FLG: variants seen among roughly 807,000 people sequenced by gnomAD.
FLG encodes epidermal filaggrin.
A neutral mutation model predicts 3.8 loss-of-function variants in FLG; 6 were observed. The ratio of observed to expected loss-of-function variants is 1.60; its 90% confidence interval spans 0.87 to 3.15. FLG has a LOEUF of 3.15. Ranked by LOEUF, FLG falls within the 30% of genes most tolerant of loss-of-function variation. The probability of loss-of-function intolerance (pLI) is 0.00; values close to 1 mark genes in which losing one functional copy is unlikely to be tolerated. For synonymous variants in FLG, 2,551 were observed against 1,931.6 expected, an observed-to-expected ratio of 1.32 and a Z score of -8.41; for missense variants, 7,595 against 5,050.9, an observed-to-expected ratio of 1.50 and a Z score of -15.27.
Position 152,309,780 on chromosome 1 carries a change from A to C in FLG, c.5106T>G (p.Asp1702Glu). The change falls in exon 3 of 3, where the codon GAT becomes GAG. Residue 1702 changes from aspartate (D) to glutamate (E), a missense_variant. By Grantham distance (45) the Asp-to-Glu change is conservative. Transcript: ENST00000368799. The part of the protein sequence containing the change: ...STDSGTGRRQ[D>E]SSVVGDSGNR... The stretch of plus-strand genomic sequence containing the variant: ...TTCCACTGTCTCCGACTACAGATGA[A>C]TCTTGTCTGCGCCCAGTGCCTGAGT... 1 of 1,612,710 alleles carries C rather than the reference A, an allele frequency of 6.2e-7. No individual in the cohort carries two copies. Among genetic ancestry groups the C allele is most frequent in the Admixed American group, 1.7e-5 (1 of 59,880 alleles).
Position 152,303,461 on chromosome 1 carries a change from C to T in FLG, c.11425G>A (p.Ala3809Thr). The change falls in exon 3 of 3, where the codon GCA (alanine) becomes ACA (threonine). Residue 3809 changes from alanine (A) to threonine (T), a missense_variant. By Grantham distance (58) the Ala-to-Thr change is moderately conservative (BLOSUM62 0). Coordinates refer to ENST00000368799, the MANE Select transcript of FLG (RefSeq NM_002016.2). Reference sequence around the variant, plus strand: ...TCCTCATTACGTGTTTCTCTGCTTGCACTTCTGGATCCTGACTGCCCATGG... The same window carrying T: ...TCCTCATTACGTGTTTCTCTGCTTGTACTTCTGGATCCTGACTGCCCATGG... ...ASHGQSGSRS[A>T]SRETRNEEQS... The T allele has an allele frequency of 6.8e-6, 11 of 1,614,116 alleles. No homozygotes were observed. Among genetic ancestry groups the T allele is most frequent in the Non-Finnish European group, 9.3e-6 (11 of 1,180,034 alleles).
In FLG at chr1:152,309,920, G is replaced by C. The variant is rs775926509; in HGVS notation, c.4966C>G (p.Arg1656Gly). The change falls in exon 3 of 3, where the codon CGT (arginine) becomes GGT (glycine). Residue 1656 changes from arginine to glycine, a missense_variant. Physicochemically the swap from Arg to Gly is moderately radical, Grantham distance 125. Coordinates refer to ENST00000368799, the MANE Select transcript of FLG (RefSeq NM_002016.2). ...CCACCAGAGGAAGTCTCTGCATGAC[G>C]AGTGCCTGATTGTCTGGAGCTCTCT... ...SAESSRQSGT[R>G]HAETSSGGQA... 3.1e-6 allele frequency: 5 copies of C among 1,614,128 alleles called. No homozygotes were observed. The highest frequency in any genetic ancestry group is 1.1e-5 in the South Asian group (1 of 91,070).
chr1:152,310,239 T>G lies in FLG; in HGVS notation c.4647A>C (p.Gln1549His). Residue 1549 changes from glutamine (Q) to histidine (H), a missense_variant, in exon 3 of 3, where the codon CAA becomes CAC. Coordinates refer to ENST00000368799, the MANE Select transcript of FLG (RefSeq NM_002016.2). ...SASRQTRNEE[Q>H]SGDGSRHSGS... ...CTGAGTGCCTGGAGCCGTCTCCTGA[T>G]TGTTCCTCATTTCTTGTTTGCCTGC... 1 of 1,613,640 alleles carries G rather than the reference T, an allele frequency of 6.2e-7. No individual in the cohort carries two copies. Among genetic ancestry groups the G allele is most frequent in the African/African-American group, 1.3e-5 (1 of 74,846 alleles).
rs1346174887 is a variant in FLG, at chr1:152,310,875, G to A, written c.4011C>T (p.Ser1337=). ...RQSGTHHTES[S]SHGQAVSSHE... ...GGGATGACACAGCCTGTCCATGAGAGGAAGACTCTGTGTGATGAGTGCCTG... is the reference window on the plus strand; with the variant it reads ...GGGATGACACAGCCTGTCCATGAGAAGAAGACTCTGTGTGATGAGTGCCTG... Residue 1337 remains serine (S), a synonymous_variant, in exon 3 of 3, where the codon TCC becomes TCT. Coordinates refer to ENST00000368799, the MANE Select transcript of FLG (RefSeq NM_002016.2). 5 of 1,613,872 alleles carry A rather than the reference G, an allele frequency of 3.1e-6. No homozygotes were observed. The highest frequency in any genetic ancestry group is 4.2e-6 in the Non-Finnish European group (5 of 1,179,988).
chr1:152,315,848 T>G (rs548051785), intron 1 of FLG, among the ~76,000 whole-genome samples: 1 of 152,266 alleles, frequency 6.6e-6, no homozygotes, highest in East Asian at 1.9e-4. Flanking sequence ...TTACTGAAAA[T>G]TACTTCCCCA....
At chr1:152,322,524 C>T (rs1327019818) in intron 1 of FLG, among the ~76,000 whole-genome samples, 3 of 150,302 alleles carry the variant, frequency 2.0e-5, no homozygotes, top group African/African-American at 7.3e-5. Context: ...ATAAAAAAAT[C>T]AGAAAAATTT....
At position 152,311,055 on chromosome 1, in the gene FLG, C is replaced by T. The variant is rs764059131; in HGVS notation, c.3831G>A (p.Glu1277=). The part of the protein sequence containing the change: ...GSSVSQDSDS[E]RHSDDSERLS... ...ACCTCTCGGAGTCGTCTGAGTGTCT[C>T]TCACTGTCACTGTCCTGGCTAACAC... Residue 1277 remains glutamate (E), a synonymous_variant, in exon 3 of 3, where the codon GAG becomes GAA. Transcript: ENST00000368799. 6 of 1,613,860 alleles carry T rather than the reference C, an allele frequency of 3.7e-6. No homozygotes were observed. The African/African-American group carries it at 6.7e-5, about 18-fold the overall frequency.
rs1470053634 is a variant in FLG, at chr1:152,306,280, C to G, written c.8606G>C (p.Arg2869Thr). 6.2e-7 allele frequency: 1 copy of G among 1,605,040 alleles called. No homozygotes were observed. Among genetic ancestry groups the G allele is most frequent in the East Asian group, 2.2e-5 (1 of 44,890 alleles). ...HEASTHADIS[R>T]HSQAVQGQSE... ...TTGTCCCTGGACTGCCTGTGAGTGT[C>G]TAGAGATGTCGGCATGAGTGGAAGC... The change falls in exon 3 of 3, where the codon AGA (arginine) becomes ACA (threonine). Residue 2869 changes from arginine to threonine, a missense_variant. Coordinates refer to ENST00000368799, the MANE Select transcript of FLG (RefSeq NM_002016.2).
rs1652619898 is a variant in FLG at position 152,313,653 on chromosome 1, A to G, written c.1233T>C (p.Asp411=). ...TACCGCTAGACCCCCGGTGTCCACG[A>G]TCGCTGACTGCAGATGAAGCTTGCC... ...GRGQASSAVS[D]RGHRGSSGSQ... is the part of the protein sequence containing the mutation. Residue 411 remains aspartate (D), a synonymous_variant, in exon 3 of 3, where the codon GAT becomes GAC. Coordinates refer to ENST00000368799, the MANE Select transcript of FLG (RefSeq NM_002016.2). The G allele has an allele frequency of 3.1e-6, 5 of 1,613,498 alleles. No individual in the cohort carries two copies. The highest frequency in any genetic ancestry group is 1.1e-5 in the South Asian group (1 of 91,008).
rs200129570 is a variant in FLG at position 152,309,957 on chromosome 1, A to C, written c.4929T>G (p.His1643Gln). ...PRSHQEDRAS[H>Q]GHSAESSRQS... ...GTCTGGAGCTCTCTGCAGAGTGCCC[A>C]TGACTGGCTCTATCTTCTTGATGGG... is the stretch of plus-strand genomic sequence containing the variant. The change falls in exon 3 of 3, where the codon CAT (histidine) becomes CAG (glutamine). Residue 1643 changes from histidine (H) to glutamine (Q), a missense_variant. Physicochemically the swap from His to Gln is conservative, Grantham distance 24 (BLOSUM62 0). Coordinates refer to ENST00000368799, the MANE Select transcript of FLG (RefSeq NM_002016.2). 7 of 1,613,930 alleles carry C rather than the reference A, an allele frequency of 4.3e-6. No individual in the cohort carries two copies. The highest frequency in any genetic ancestry group is 5.9e-6 in the Non-Finnish European group (7 of 1,180,010).
Position 152,304,884 on chromosome 1 carries a change from C to A in FLG, c.10002G>T (p.Gly3334=), listed in dbSNP as rs775583931. ...SSAVRDSRHW[G]SSGSQASDSE... ...TATCACTGGCCTGACTACCACTGGA[C>A]CCCCAGTGTCTACTGTCTCTGACTG... is the stretch of plus-strand genomic sequence containing the variant. The change falls in exon 3 of 3, where the codon GGG becomes GGT. Residue 3334 remains glycine (G), a synonymous_variant. Transcript: ENST00000368799. The A allele has an allele frequency of 5.1e-5, 83 of 1,613,716 alleles. No homozygotes were observed. Among genetic ancestry groups the A allele is most frequent in the Non-Finnish European group, 6.6e-5 (78 of 1,179,904 alleles).
At position 152,302,489 on chromosome 1, in the gene FLG, AT is replaced by A. The variant is rs1651669999; in HGVS notation, c.*210del. 1.6e-6 allele frequency: 1 copy of A among 635,848 alleles called. No individual in the cohort carries two copies. The highest frequency in any genetic ancestry group is 1.8e-5 in the African/African-American group (1 of 54,544). 39.4% of individuals were successfully genotyped at this position (635,848 alleles called of 1,614,324 possible). A position where few individuals can be genotyped will look rare whatever the true frequency, so the allele number is the denominator to read the frequency against. On this transcript the variant is annotated 3_prime_UTR_variant, in exon 3 of 3. Transcript: ENST00000368799. ...CTAAAGTTAGCTCTCCATGATATTG[AT>A]TTCTTCCATTTAATATTTCTGAAAT...
At position 152,307,666 on chromosome 1, in the gene FLG, C is replaced by A. The variant is rs568784696; in HGVS notation, c.7220G>T (p.Arg2407Met). The A allele has an allele frequency of 3.7e-6, 6 of 1,613,292 alleles. No individual in the cohort carries two copies. The highest frequency in any genetic ancestry group is 5.1e-6 in the Non-Finnish European group (6 of 1,179,894). The change falls in exon 3 of 3, where the codon AGG becomes ATG. Residue 2407 changes from arginine (R) to methionine (M), a missense_variant. Coordinates refer to ENST00000368799, the MANE Select transcript of FLG (RefSeq NM_002016.2). ...QESTRGRSAG[R>M]SGRSGSFLYQ... ...GAGGAAAGACCCTGAACGTCCAGAC[C>A]TTCCTGCTGACCGGCCACGTGTGGA...
Position 152,304,975 on chromosome 1 carries a change from GA to G in FLG, c.9910del (p.Ser3304ProfsTer87), listed in dbSNP as rs1557871632. On this transcript the variant is annotated frameshift_variant, in exon 3 of 3. Transcript: ENST00000368799. LOFTEE classifies it low-confidence loss of function (END_TRUNC). ...GCTGTCTGCTGACTGCTGGTGGCGG[GA>G]TCCGTGTCTCTCTCCTGGACTTGAT... is the stretch of plus-strand genomic sequence containing the variant. ...ARSSPGERHG[S>X]RHQQSADSSR... is the part of the protein sequence containing the mutation. The G allele has an allele frequency of 6.2e-7, 1 of 1,613,862 alleles. No homozygotes were observed. The highest frequency in any genetic ancestry group is 1.1e-5 in the South Asian group (1 of 91,022).
At chr1:152,323,136 G>A (rs969792351) in intron 1 of FLG, among the ~76,000 whole-genome samples, 1 of 151,508 alleles carries the variant, frequency 6.6e-6, no homozygotes, top group Admixed American at 6.6e-5. Context: ...AATGGTGCTG[G>A]GTTAATTGAA....
At chr1:152,319,308 ATGTGTGTGTGTGTG>A (rs138449164) in intron 1 of FLG, among the ~76,000 whole-genome samples, 5 of 145,176 alleles carry the variant, frequency 3.4e-5, no homozygotes, top group East Asian at 2.0e-4. Context: ...CAACTAGAAA[ATGTGTGTGTGTGTG>A]TGTGTGTGTG....
chr1:152,323,097 G>A lies in FLG; in HGVS notation c.-22+2092C>T, dbSNP rs571583697. On this transcript the variant is annotated intron_variant, in intron 1 of 2. Transcript: ENST00000368799. ...GGTTAATGGCAAAGATGGTAGTGTA[G>A]GTCAGTAGAGAAAGAATAGTCTTGA... Among the ~76,000 whole-genome samples, 69 of 151,618 alleles carry A rather than the reference G, an allele frequency of 4.6e-4. No individual in the cohort carries two copies. In the South Asian group the frequency reaches 0.014, roughly 31 times the overall value.
At position 152,309,778 on chromosome 1, in the gene FLG, G is replaced by T. The variant is rs1248153062; in HGVS notation, c.5108C>A (p.Ser1703Ter). The change falls in exon 3 of 3, where the codon TCA becomes TAA. Residue 1703 changes from serine (S) to a stop codon, truncating the protein, a stop_gained. Coordinates refer to ENST00000368799, the MANE Select transcript of FLG (RefSeq NM_002016.2). LOFTEE classifies it low-confidence loss of function (END_TRUNC). ...TDSGTGRRQDSSVVGDSGNRG... is the reference protein window; with the variant it reads ...TDSGTGRRQD ...GTTTCCACTGTCTCCGACTACAGAT[G>T]AATCTTGTCTGCGCCCAGTGCCTGA... The T allele has an allele frequency of 6.2e-7, 1 of 1,614,002 alleles. No individual in the cohort carries two copies. The highest frequency in any genetic ancestry group is 8.5e-7 in the Non-Finnish European group (1 of 1,179,998).
rs573388805 is a variant in FLG at position 152,303,311 on chromosome 1, G to A, written c.11575C>T (p.Gln3859Ter). 1.4e-5 allele frequency: 22 copies of A among 1,614,090 alleles called. No homozygotes were observed. The African/African-American group carries it at 2.0e-4, about 15-fold the overall frequency. The change falls in exon 3 of 3, where the codon CAG becomes TAG. Residue 3859 changes from glutamine (Q) to a stop codon, truncating the protein, a stop_gained. Transcript: ENST00000368799. LOFTEE classifies it low-confidence loss of function (END_TRUNC). ...ESAGSRRSRRQGSSVSQDSDS... is the reference protein window; with the variant it reads ...ESAGSRRSRR ...CTGTCCTGGCTAACACTGGATCCCT[G>A]GCGCCTGCTTCTCCTGGACCCCGCT... is the stretch of plus-strand genomic sequence containing the variant.
Sources: allele counts gnomAD v4.1 joint callset (sites outside exome capture counted in the v4.1 genomes callset), GRCh38; gene constraint gnomAD v4.1.1; transcripts MANE v1.5; gene names NCBI Gene and HGNC (gene_info 2026-07-23, HGNC 2026-07-21).